The following RNF152 variants were observed in gnomAD, a reference collection of about 807,000 sequenced individuals.
RNF152 encodes ring finger protein 152.
Under a neutral mutation model 12.7 loss-of-function variants are expected in RNF152, and 11 were observed. The ratio of observed to expected loss-of-function variants is 0.86; its 90% CI spans 0.54 to 1.43. RNF152 has a LOEUF of 1.43. Among genes scored for constraint, RNF152 ranks in the 40% most tolerant of loss-of-function variants. The probability of loss-of-function intolerance (pLI) is 0.00; values close to 1 mark genes in which losing one functional copy is unlikely to be tolerated. For missense variants in RNF152, 255 were observed against 274.8 expected (o/e 0.93, Z 0.51); for synonymous variants, 113 against 120.3 (o/e 0.94, Z 0.40).
At chr18:61,876,084 A>G (rs1912201574) in intron 1 of RNF152, among the ~76,000 whole-genome samples, 1 of 152,182 alleles carries the variant, frequency 6.6e-6, no homozygotes, top group South Asian at 2.1e-4. Flanking sequence ...GTCATAAAGC[A>G]TTACTCACTG....
intron 1 of RNF152, among the ~76,000 whole-genome samples, chr18:61,869,767 A>T (rs556315727): frequency 1.5e-4 from 23 of 152,338 alleles, no homozygotes; most frequent in Non-Finnish European, 2.6e-4. Flanking sequence ...ACGCACACAC[A>T]TGCACACACC....
At chr18:61,829,744 C>G (rs1330716520) in intron 1 of RNF152, among the ~76,000 whole-genome samples, 1 of 151,970 alleles carries the variant, frequency 6.6e-6, no homozygotes, top group Admixed American at 6.5e-5. Flanking sequence ...AAAGGCCAAG[C>G]CTCCAGGAGT....
intron 1 of RNF152, among the ~76,000 whole-genome samples, chr18:61,844,602 C>T (rs1162355232): frequency 6.6e-6 from 1 of 152,040 alleles, no homozygotes; most frequent in African/African-American, 2.4e-5. Context: ...TTTTTTTTAT[C>T]TAAAAGCTAA....
Position 61,809,817 on chromosome 18 carries a change from T to G in RNF152, c.*6035A>C, listed in dbSNP as rs1912875744. 7.3e-6 allele frequency: 1 copy of G among 136,522 alleles called. No individual in the cohort carries two copies. Among genetic ancestry groups the G allele is most frequent in the Non-Finnish European group, 1.5e-5 (1 of 65,684 alleles). 8.5% of individuals were successfully genotyped at this position (136,522 alleles called of 1,614,324 possible). ...ATTTCAAGCACCACTACATCATAGG[T>G]GAGATATATATAGTGGGATACCCCA... On this transcript the variant is annotated 3_prime_UTR_variant, in exon 2 of 2. Coordinates refer to ENST00000312828, the MANE Select transcript of RNF152 (RefSeq NM_173557.3).
chr18:61,839,465 T>C (rs912849443), intron 1 of RNF152, among the ~76,000 whole-genome samples: 1 of 152,260 alleles, frequency 6.6e-6, no homozygotes, highest in Admixed American at 6.5e-5. Context: ...CCTTGGTTTT[T>C]ACTTTTATTT....
intron 1 of RNF152, among the ~76,000 whole-genome samples, chr18:61,891,435 T>TA (rs11290555): frequency 2.5e-4 from 38 of 151,118 alleles, no homozygotes; most frequent in South Asian, 2.5e-3. Context: ...TTCTTTCTAT[T>TA]AAAAAAAAAA....
intron 1 of RNF152, among the ~76,000 whole-genome samples, chr18:61,869,103 A>C (rs2144732869): frequency 6.6e-6 from 1 of 152,324 alleles, no homozygotes; most frequent in Non-Finnish European, 1.5e-5. Flanking sequence ...TTGTTATATA[A>C]AATTTCCTAA....
chr18:61,857,468 G>T (rs1344296779), intron 1 of RNF152, among the ~76,000 whole-genome samples: 1 of 152,156 alleles, frequency 6.6e-6, no homozygotes, highest in Non-Finnish European at 1.5e-5. Flanking sequence ...CTGGCAGAAT[G>T]AAGCAAATTT....
At chr18:61,873,616 G>A (rs192572611) in intron 1 of RNF152, among the ~76,000 whole-genome samples, 27 of 152,236 alleles carry the variant, frequency 1.8e-4, no homozygotes, top group Admixed American at 3.3e-4. Context: ...TTACAGGCAT[G>A]AGCCACCACG....
At chr18:61,875,420 T>C (rs1912167793) in intron 1 of RNF152, among the ~76,000 whole-genome samples, 1 of 152,238 alleles carries the variant, frequency 6.6e-6, no homozygotes, top group Non-Finnish European at 1.5e-5. Context: ...TGCATGCAAG[T>C]GTCCTCTGTT....
rs1367605917 is a variant in RNF152, at chr18:61,815,769, C to T, written c.*83G>A. The T allele has an allele frequency of 2.7e-6, 4 of 1,483,954 alleles. No homozygotes were observed. The highest frequency in any genetic ancestry group is 2.3e-5 in the East Asian group (1 of 44,044). 91.9% of individuals were successfully genotyped at this position (1,483,954 alleles called of 1,614,324 possible). On this transcript the variant is annotated 3_prime_UTR_variant, in exon 2 of 2. Transcript: ENST00000312828. The stretch of plus-strand genomic sequence containing the variant: ...CTCAGCACCAAATGGTCAGTGTTGC[C>T]CCCCATCTTCTCACTGGGATCTCAT...
intron 1 of RNF152, among the ~76,000 whole-genome samples, chr18:61,855,082 C>T (rs561052830): frequency 1.3e-5 from 2 of 152,246 alleles, no homozygotes; most frequent in South Asian, 4.2e-4. Flanking sequence ...GTGTTCATGC[C>T]AAAGCTGTGC....
chr18:61,827,682 A>G (rs1909734394), intron 1 of RNF152, among the ~76,000 whole-genome samples: 1 of 152,134 alleles, frequency 6.6e-6, no homozygotes. Context: ...CAGTTTCTCT[A>G]CCTACCCTCA....
intron 1 of RNF152, among the ~76,000 whole-genome samples, chr18:61,864,729 A>G (rs1468369431): frequency 1.3e-5 from 2 of 152,206 alleles, no homozygotes. Context: ...GAGTCATCTC[A>G]TTAGCATAAG....
intron 1 of RNF152, among the ~76,000 whole-genome samples, chr18:61,862,684 G>A (rs183133057): frequency 4.6e-5 from 7 of 152,210 alleles, no homozygotes; most frequent in Admixed American, 6.5e-5. Context: ...TCTCTTCATC[G>A]GTATCCTTTG....
chr18:61,846,951 G>T (rs1163735604), intron 1 of RNF152, among the ~76,000 whole-genome samples: 1 of 152,142 alleles, frequency 6.6e-6, no homozygotes, highest in Non-Finnish European at 1.5e-5. Flanking sequence ...TAACCTTACT[G>T]AGTATCTGCT....
chr18:61,859,751 C>T (rs946102305), intron 1 of RNF152, among the ~76,000 whole-genome samples: 1 of 152,002 alleles, frequency 6.6e-6, no homozygotes, highest in Non-Finnish European at 1.5e-5. Flanking sequence ...TGGTGGCAGG[C>T]GCCTGTAATC....
At position 61,812,408 on chromosome 18, in the gene RNF152, T is replaced by C. The variant is rs974633255; in HGVS notation, c.*3444A>G. ...GGTTTAACCTTCAAGGGACCCAATCTGTAAGCCATGCAAAAAATTAAACTT... is the reference window on the plus strand; with the variant it reads ...GGTTTAACCTTCAAGGGACCCAATCCGTAAGCCATGCAAAAAATTAAACTT... On this transcript the variant is annotated 3_prime_UTR_variant, in exon 2 of 2. Transcript: ENST00000312828. The C allele has an allele frequency of 3.9e-5, 6 of 152,182 alleles. No individual in the cohort carries two copies. The highest frequency in any genetic ancestry group is 1.4e-4 in the African/African-American group (6 of 41,432). 9.4% of individuals were successfully genotyped at this position (152,182 alleles called of 1,614,324 possible).
At chr18:61,836,922 C>T (rs773700574) in intron 1 of RNF152, among the ~76,000 whole-genome samples, 6 of 152,196 alleles carry the variant, frequency 3.9e-5, no homozygotes, top group Non-Finnish European at 8.8e-5. Context: ...GGATTACAGG[C>T]TTTGACAGAC....
Sources: gnomAD v4.1 joint callset for allele counts (sites outside exome capture counted in the v4.1 genomes callset) on GRCh38, gnomAD v4.1.1 for gene constraint, MANE v1.5 for transcripts, NCBI Gene and HGNC (gene_info 2026-07-23, HGNC 2026-07-21) for gene names.